DCAKD: variants seen among roughly 807,000 people sequenced by gnomAD.
DCAKD encodes the protein dephospho-CoA kinase domain containing, also known as dephospho-CoA kinase domain-containing protein.
Under a neutral mutation model 18.7 loss-of-function variants are expected in DCAKD, and 15 were observed. The ratio of observed to expected loss-of-function variants is 0.80; its 90% CI spans 0.54 to 1.24. DCAKD has a LOEUF of 1.24. Ranked by LOEUF, DCAKD falls within the 50% of genes most tolerant of loss-of-function variation. The probability of loss-of-function intolerance (pLI) is 0.00; values close to 1 mark genes in which losing one functional copy is unlikely to be tolerated. For missense variants in DCAKD, 301 were observed against 322.0 expected (o/e 0.93, Z 0.50); for synonymous variants, 130 against 133.0 (o/e 0.98, Z 0.16).
At position 45,040,844 on chromosome 17, in the gene DCAKD, G is replaced by A. The variant is rs1426667447; in HGVS notation, c.-114-5845C>T. The stretch of plus-strand genomic sequence containing the variant: ...CAAGTGGTGGGCTCTTTTGCATCGG[G>A]TGTCTCCAAATTGCCTCTCAGTTTT... On this transcript the variant is annotated intron_variant, in intron 1 of 4. Transcript: ENST00000651974. 2.0e-5 allele frequency among the ~76,000 whole-genome samples: 3 copies of A among 152,142 alleles called. No individual in the cohort carries two copies. The East Asian group carries it at 5.8e-4, about 29-fold the overall frequency.
At chr17:45,057,051 G>A (rs2053788521) in intron 1 of DCAKD, among the ~76,000 whole-genome samples, 1 of 152,118 alleles carries the variant, frequency 6.6e-6, no homozygotes, top group East Asian at 1.9e-4. Context: ...ACAGGCGTGA[G>A]CCACTGCGCC....
chr17:45,059,182 G>A (rs779620636), intron 1 of DCAKD, among the ~76,000 whole-genome samples: 47 of 152,156 alleles, frequency 3.1e-4, no homozygotes, highest in Non-Finnish European at 5.9e-4. Context: ...AGAGCTTGCA[G>A]TGAGCCAAAA....
intron 1 of DCAKD, among the ~76,000 whole-genome samples, chr17:45,035,577 C>G (rs1367319315): frequency 6.6e-6 from 1 of 151,636 alleles, no homozygotes; most frequent in Admixed American, 6.6e-5. Context: ...AGGCAGCATG[C>G]TTCCTGGACG....
chr17:45,053,058 G>C (rs2053738633), upstream of DCAKD, among the ~76,000 whole-genome samples: 1 of 150,176 alleles, frequency 6.7e-6, no homozygotes, highest in Non-Finnish European at 1.5e-5. Flanking sequence ...AGCTACACGG[G>C]AGGCTGAGGC....
intron 1 of DCAKD, 31 bp downstream of exon 1, chr17:45,051,330 G>T (rs571482987): frequency 1.1e-4 from 16 of 152,240 alleles, no homozygotes; most frequent in Non-Finnish European, 2.1e-4. Flanking sequence ...TTGCTGTCAA[G>T]ACAATGGGCC....
At chr17:45,034,164 C>T (rs1285367281) in intron 3 of DCAKD, 23 bp downstream of exon 3, 1 of 1,565,734 alleles carries the variant, frequency 6.4e-7, no homozygotes, top group Admixed American at 1.7e-5. Context: ...GCCCCGCCCC[C>T]CGCCCCAGGC....
intron 1 of DCAKD, chr17:45,060,854 G>C (rs530517599): frequency 4.9e-6 from 1 of 203,320 alleles, no homozygotes; most frequent in Non-Finnish European, 8.9e-6. Flanking sequence ...CTCCAGGCAG[G>C]TAGCACCCGC....
intron 1 of DCAKD, among the ~76,000 whole-genome samples, chr17:45,036,296 C>T (rs1597957476): frequency 6.6e-6 from 1 of 152,314 alleles, no homozygotes; most frequent in Non-Finnish European, 1.5e-5. Flanking sequence ...GCAGGCAGAT[C>T]ATGAGGTGAG....
At chr17:45,026,218 CTTTTTTTT>C (rs1180056946) in intron 4 of DCAKD, among the ~76,000 whole-genome samples, 3 of 109,166 alleles carry the variant, frequency 2.7e-5, no homozygotes, top group South Asian at 6.2e-4. Context: ...CGCGCCTGGA[CTTTTTTTT>C]TTTTTTTTTT....
At chr17:45,036,013 G>A (rs192315546) in intron 1 of DCAKD, among the ~76,000 whole-genome samples, 2 of 152,318 alleles carry the variant, frequency 1.3e-5, no homozygotes, top group Admixed American at 1.3e-4. Context: ...TGAGGGAAAG[G>A]CCAGGAGGCT....
At chr17:45,051,317 G>A (rs949501224) in intron 1 of DCAKD, 44 bp downstream of exon 1, 3 of 152,218 alleles carry the variant, frequency 2.0e-5, no homozygotes, top group Non-Finnish European at 2.9e-5. Flanking sequence ...TTGCTTGGTA[G>A]GGTTGCTGTC....
chr17:45,046,682 CAGG>C (rs1397448693), intron 1 of DCAKD, among the ~76,000 whole-genome samples: 2 of 149,186 alleles, frequency 1.3e-5, no homozygotes, highest in African/African-American at 5.0e-5. Context: ...GGCCTACACA[CAGG>C]AGAATGAGAA....
At chr17:45,038,550 A>G (rs1371842063) in intron 1 of DCAKD, among the ~76,000 whole-genome samples, 2 of 152,348 alleles carry the variant, frequency 1.3e-5, no homozygotes, top group East Asian at 1.9e-4. Flanking sequence ...AAAGTAAGGA[A>G]GATGAATCTG....
chr17:45,033,472 C>CT (rs148853557), intron 3 of DCAKD, among the ~76,000 whole-genome samples: 2,794 of 151,964 alleles, frequency 0.018, 60 homozygotes, highest in South Asian at 0.069. Context: ...TGGATTTTTT[C>CT]TTTTTTTTGA....
chr17:45,036,322 C>T (rs535273208), intron 1 of DCAKD, among the ~76,000 whole-genome samples: 1 of 152,332 alleles, frequency 6.6e-6, no homozygotes, highest in African/African-American at 2.4e-5. Context: ...CGAGACCATC[C>T]TGGCTAACAT....
intron 1 of DCAKD, among the ~76,000 whole-genome samples, chr17:45,049,696 ATTTTCT>A (rs1403451682): frequency 2.8e-5 from 4 of 142,150 alleles, no homozygotes; most frequent in Admixed American, 7.2e-5. Context: ...CCAGCAGGTA[ATTTTCT>A]TTTTCTTTTC....
chr17:45,053,169 TAA>T (rs760029893), upstream of DCAKD, among the ~76,000 whole-genome samples: 4,151 of 75,044 alleles, frequency 0.055, 83 homozygotes, highest in Non-Finnish European at 0.059. Flanking sequence ...TGTCTCCAGT[TAA>T]AAAAAAAAAA....
chr17:45,042,896 A>C (rs947366761), intron 1 of DCAKD, among the ~76,000 whole-genome samples: 3 of 152,198 alleles, frequency 2.0e-5, no homozygotes, highest in African/African-American at 7.2e-5. Context: ...CACCAAGGGC[A>C]GGGAGGGGAC....
chr17:45,052,643 C>G (rs2053730674), upstream of DCAKD, among the ~76,000 whole-genome samples: 2 of 151,196 alleles, frequency 1.3e-5, no homozygotes, highest in African/African-American at 4.9e-5. Flanking sequence ...TCACTTGAGC[C>G]CAGGAGTTCG....
Sources: gnomAD v4.1 joint callset for allele counts (sites outside exome capture counted in the v4.1 genomes callset) on GRCh38, gnomAD v4.1.1 for gene constraint, MANE v1.5 for transcripts, NCBI Gene and HGNC (gene_info 2026-07-23, HGNC 2026-07-21) for gene names.